FBF1: variants seen among roughly 807,000 people sequenced by gnomAD.
The protein encoded by FBF1 is fas-binding factor 1.
FBF1 carries 119 observed loss-of-function variants against 147.2 expected under a neutral mutation model. The ratio of observed to expected loss-of-function variants is 0.81; its 90% CI spans 0.70 to 0.94. FBF1 has a LOEUF of 0.94. Among genes scored for constraint, FBF1 ranks in the 40% least tolerant of loss-of-function variants. FBF1 has a pLI of 0.00. For synonymous variants in FBF1, 601 were observed against 609.0 expected, an observed-to-expected ratio of 0.99 and a Z score of 0.19; for missense variants, 1,449 against 1,500.8, an observed-to-expected ratio of 0.97 and a Z score of 0.57.
Position 75,925,249 on chromosome 17 carries a change from A to G in FBF1, c.968+98T>C. 1.1e-6 allele frequency: 1 copy of G among 896,374 alleles called. No homozygotes were observed. Among genetic ancestry groups the G allele is most frequent in the East Asian group, 2.6e-5 (1 of 37,784 alleles). 55.5% of individuals were successfully genotyped at this position (896,374 alleles called of 1,614,324 possible). ...GGCCTTGTACCCTGTGGCCTCCCACATGAGACTCTCGGGTGGGACAGGGGA... is the reference window on the plus strand; with the variant it reads ...GGCCTTGTACCCTGTGGCCTCCCACGTGAGACTCTCGGGTGGGACAGGGGA... On this transcript the variant is annotated intron_variant, in intron 13 of 29. Transcript: ENST00000636174. The surrounding 1 kb of genome is among the most constrained non-coding windows in gnomAD (Gnocchi z 5.0).
chr17:75,918,191 A>G lies in FBF1; in HGVS notation c.2217T>C (p.Asp739=). Residue 739 remains aspartate (D), a synonymous_variant, in exon 21 of 30, where the codon GAT becomes GAC. Transcript: ENST00000636174. This position sits in a 1 kb window ranked among gnomAD's most constrained non-coding sequence, Gnocchi z 5.8. ...RLKLLKDREV[D]AATSATSHTR... is the part of the protein sequence containing the mutation. ...TGTGGGAGGTGGCACTGGTGGCCGC[A>G]TCGACCTCTCGGTCCTTCAGCAGCT... 2 of 1,613,250 alleles carry G rather than the reference A, an allele frequency of 1.2e-6. No individual in the cohort carries two copies. The highest frequency in any genetic ancestry group is 2.2e-5 in the South Asian group (2 of 91,046).
intron 23 of FBF1, among the ~76,000 whole-genome samples, chr17:75,917,508 G>A (rs760956193): frequency 1.3e-5 from 1 of 77,024 alleles, no homozygotes; most frequent in Non-Finnish European, 2.5e-5. Flanking sequence ...GTGCTGAGGA[G>A]CGGACAGGGC....
chr17:75,929,040 T>TGG (rs2065578913), intron 7 of FBF1, among the ~76,000 whole-genome samples: 3 of 148,864 alleles, frequency 2.0e-5, no homozygotes, highest in South Asian at 4.3e-4. Context: ...ACCCAGGCTG[T>TGG]AGTGCAGTGG....
At position 75,940,889 on chromosome 17, in the gene FBF1, G is replaced by C. The variant is rs367699192; in HGVS notation, c.-125C>G. ...CCTATCTGGCCCCGGAGCGCAGCCTGTAACGCTCTCAGCCCCGGAAGCCTC... is the reference window on the plus strand; with the variant it reads ...CCTATCTGGCCCCGGAGCGCAGCCTCTAACGCTCTCAGCCCCGGAAGCCTC... On this transcript the variant is annotated 5_prime_UTR_variant, in exon 1 of 30. Coordinates refer to ENST00000636174, the MANE Select transcript of FBF1 (RefSeq NM_001319193.2). The C allele has an allele frequency of 2.0e-5, 3 of 153,708 alleles. No homozygotes were observed. Among genetic ancestry groups the C allele is most frequent in the African/African-American group, 7.2e-5 (3 of 41,470 alleles). 9.5% of individuals were successfully genotyped at this position (153,708 alleles called of 1,614,324 possible). A position where few individuals can be genotyped will look rare whatever the true frequency, so the allele number is the denominator to read the frequency against.
In FBF1 at chr17:75,914,176, G is replaced by A. The variant is rs759885597; in HGVS notation, c.2937C>T (p.Asn979=). ...GGAGCTTGACACGCAGGGCGGTGGC[G>A]TTGATCCTCTCCTTCTCCAGCCGCA... The part of the protein sequence containing the change: ...QELRLEKERI[N]ATALRVKLRA... Residue 979 remains asparagine (N), a synonymous_variant, in exon 26 of 30, where the codon AAC becomes AAT. Transcript: ENST00000636174. The A allele has an allele frequency of 6.3e-7, 1 of 1,597,440 alleles. No homozygotes were observed.
intron 15 of FBF1, 100 bp downstream of exon 15, chr17:75,921,845 G>A (rs933033090): frequency 1.8e-6 from 2 of 1,087,208 alleles, no homozygotes; most frequent in African/African-American, 3.1e-5. Context: ...CGGGGACGGG[G>A]CAGGGGCAGG....
intron 23 of FBF1, 63 bp from the exon 24 acceptor site, chr17:75,915,202 C>T: frequency 6.5e-7 from 1 of 1,539,722 alleles, no homozygotes; most frequent in Admixed American, 1.9e-5. Context: ...CCTGGCCACT[C>T]CCTGAGAAGC....
At chr17:75,935,774 A>G (rs547439793) in intron 3 of FBF1, 101 bp from the exon 4 acceptor site, 1 of 1,111,450 alleles carries the variant, frequency 9.0e-7, no homozygotes, top group African/African-American at 1.6e-5. Context: ...GACCTTTCAG[A>G]TGTTGGGACT....
Position 75,938,174 on chromosome 17 carries a change from A to G in FBF1, c.-25T>C, listed in dbSNP as rs1200797660. The G allele has an allele frequency of 6.2e-7, 1 of 1,613,552 alleles. No homozygotes were observed. ...TCTCACGGCTCTCGGGGGTGCTCTC[A>G]GCTCCTTCACAGCACTGGCCAGCTC... On this transcript the variant is annotated 5_prime_UTR_variant, in exon 2 of 30. Transcript: ENST00000636174.
Position 75,925,326 on chromosome 17 carries a change from C to T in FBF1, c.968+21G>A, listed in dbSNP as rs757715100. 1.9e-6 allele frequency: 3 copies of T among 1,600,190 alleles called. No homozygotes were observed. The highest frequency in any genetic ancestry group is 3.4e-5 in the Admixed American group (2 of 58,822). ...GGCCGACCTGTCTCAAGAGGCCAAG[C>T]CTCCTGCAGGCCCCACTTACCTGAC... On this transcript the variant is annotated intron_variant, in intron 13 of 29. Transcript: ENST00000636174. This position sits in a 1 kb window ranked among gnomAD's most constrained non-coding sequence, Gnocchi z 5.0.
intron 16 of FBF1, 66 bp from the exon 17 acceptor site, chr17:75,921,368 G>A (rs2065525225): frequency 2.6e-6 from 4 of 1,554,970 alleles, no homozygotes; most frequent in Non-Finnish European, 3.5e-6. Flanking sequence ...GTGTCCAGGA[G>A]GGGCTGGTGT....
Position 75,910,714 on chromosome 17 carries a change from G to T in FBF1, c.*9C>A. 1 of 1,604,284 alleles carries T rather than the reference G, an allele frequency of 6.2e-7. No homozygotes were observed. The highest frequency in any genetic ancestry group is 2.2e-5 in the East Asian group (1 of 44,594). ...GAACCCTCTGTTGGGGAATCGGCTG[G>T]GGTCCCACTCAGGCTGAATGAGATG... On this transcript the variant is annotated 3_prime_UTR_variant, in exon 30 of 30. Coordinates refer to ENST00000636174, the MANE Select transcript of FBF1 (RefSeq NM_001319193.2). This position sits in a 1 kb window ranked among gnomAD's most constrained non-coding sequence, Gnocchi z 4.1.
intron 2 of FBF1, chr17:75,937,880 G>T: frequency 1.6e-6 from 1 of 627,210 alleles, no homozygotes; most frequent in Non-Finnish European, 2.8e-6. Context: ...TCATGTGACC[G>T]GAAATGTCTT....
At position 75,918,372 on chromosome 17, in the gene FBF1, G is replaced by T; in HGVS notation, c.2139-103C>A. The T allele has an allele frequency of 1.1e-6, 1 of 933,632 alleles. No homozygotes were observed. Among genetic ancestry groups the T allele is most frequent in the Non-Finnish European group, 1.6e-6 (1 of 624,402 alleles). The allele number at this position is 933,632 out of a possible 1,614,324, so 57.8% of individuals were successfully genotyped here. On this transcript the variant is annotated intron_variant, in intron 20 of 29. Coordinates refer to ENST00000636174, the MANE Select transcript of FBF1 (RefSeq NM_001319193.2). This position sits in a 1 kb window ranked among gnomAD's most constrained non-coding sequence, Gnocchi z 5.8. ...GTTTCCGTGCAGCCCTTGCTCCCAGGCCTCTCCTCCGCCGGGCACTGCCTC... is the reference window on the plus strand; with the variant it reads ...GTTTCCGTGCAGCCCTTGCTCCCAGTCCTCTCCTCCGCCGGGCACTGCCTC...
chr17:75,919,024 TCA>T lies in FBF1; in HGVS notation c.2138+642_2138+643del, dbSNP rs1409056834. On this transcript the variant is annotated intron_variant, in intron 20 of 29. Transcript: ENST00000636174. The surrounding 1 kb of genome is among the most constrained non-coding windows in gnomAD (Gnocchi z 5.0). The stretch of plus-strand genomic sequence containing the variant: ...CTTGGGCTGAAGGTATCCTCCTGCC[TCA>T]GTTTCCCAAGTAGCTGGAACTACAG... Among the ~76,000 whole-genome samples, 1 of 152,140 alleles carries T rather than the reference TCA, an allele frequency of 6.6e-6. No homozygotes were observed. The highest frequency in any genetic ancestry group is 6.6e-5 in the Admixed American group (1 of 15,258).
Position 75,926,422 on chromosome 17 carries a change from G to C in FBF1, c.600C>G (p.Pro200=). ...KSPSTVRDQG[P]SIPLTPGDTP... ...TGTCCCCAGGAGTTAGAGGAATAGA[G>C]GGACCTGAAAGACAAAACAAGGCCC... Residue 200 remains proline, a synonymous_variant, in exon 11 of 30, where the codon CCC becomes CCG. Transcript: ENST00000636174. The C allele has an allele frequency of 6.4e-7, 1 of 1,564,078 alleles. No homozygotes were observed. Among genetic ancestry groups the C allele is most frequent in the Non-Finnish European group, 8.6e-7 (1 of 1,157,682 alleles).
rs150085767 is a variant in FBF1 at position 75,910,575 on chromosome 17, T to G, written c.*148A>C. ...CCCGGGCTGGCACATTTGGAAAGGA[T>G]GCACTTGCACCCTGTCCACGGAAGA... On this transcript the variant is annotated 3_prime_UTR_variant, in exon 30 of 30. Coordinates refer to ENST00000636174, the MANE Select transcript of FBF1 (RefSeq NM_001319193.2). The surrounding 1 kb of genome is among the most constrained non-coding windows in gnomAD (Gnocchi z 4.1). The G allele has an allele frequency of 6.5e-3, 4,336 of 672,030 alleles. 72 individuals carry two copies. The highest frequency in any genetic ancestry group is 0.036 in the Middle Eastern group (90 of 2,524). 41.6% of individuals were successfully genotyped at this position (672,030 alleles called of 1,614,324 possible).
Position 75,919,622 on chromosome 17 carries a change from T to C in FBF1, c.2138+46A>G. The C allele has an allele frequency of 6.5e-7, 1 of 1,549,416 alleles. No homozygotes were observed. The highest frequency in any genetic ancestry group is 8.7e-7 in the Non-Finnish European group (1 of 1,148,990). On this transcript the variant is annotated intron_variant, in intron 20 of 29. Coordinates refer to ENST00000636174, the MANE Select transcript of FBF1 (RefSeq NM_001319193.2). The surrounding 1 kb of genome is among the most constrained non-coding windows in gnomAD (Gnocchi z 5.0). The stretch of plus-strand genomic sequence containing the variant: ...CTCGTGGGGATGGCTCTCTTCCGGC[T>C]ACTCCTTGCAAGCCTGCTCCCCAGC...
In FBF1 at chr17:75,930,497, C is replaced by T. The variant is rs1029257112; in HGVS notation, c.229-450G>A. Among the ~76,000 whole-genome samples the T allele has an allele frequency of 1.2e-4, 18 of 152,200 alleles. 1 individual carries two copies. The highest frequency in any genetic ancestry group is 1.9e-4 in the Non-Finnish European group (13 of 68,044). ...CTTGGGCATTATTTACAGTGGCTCA[C>T]GCCTGTAATCCCAGCACTTTGGGAG... is the stretch of plus-strand genomic sequence containing the variant. On this transcript the variant is annotated intron_variant, in intron 6 of 29. Transcript: ENST00000636174.
Sources: allele counts gnomAD v4.1 joint callset (sites outside exome capture counted in the v4.1 genomes callset), GRCh38; gene constraint gnomAD v4.1.1; non-coding constraint Gnocchi (gnomAD v3.1); transcripts MANE v1.5; gene names NCBI Gene and HGNC (gene_info 2026-07-23, HGNC 2026-07-21).